Variants in NRXN3 observed in about 807,000 individuals in gnomAD.
NRXN3 encodes the protein neurexin III.
Under a neutral mutation model 137.6 loss-of-function variants are expected in NRXN3, and 32 were observed. The observed-to-expected ratio is 0.23, with a 90% CI of 0.18 to 0.31. The LOEUF (loss-of-function observed/expected upper bound fraction) is 0.31, where lower values mean the gene tolerates loss of function less well. NRXN3 is among the 10% of genes least tolerant of loss of function. NRXN3 has a pLI of 1.00. For synonymous variants in NRXN3, 798 were observed against 784.5 expected (o/e 1.02, Z -0.29); for missense variants, 1,574 against 2,062.5 (o/e 0.76, Z 4.59).
At chr14:78,797,569 A>G (rs909886095) in intron 8 of NRXN3, among the ~76,000 whole-genome samples, 10 of 152,228 alleles carry the variant, frequency 6.6e-5, no homozygotes, top group Admixed American at 5.9e-4. Context: ...CTATTCATCT[A>G]TCTTCCAATA....
intron 4 of NRXN3, among the ~76,000 whole-genome samples, chr14:78,401,974 G>C (rs532159173): frequency 6.6e-6 from 1 of 152,292 alleles, no homozygotes; most frequent in South Asian, 2.1e-4. Flanking sequence ...GCTTTAAAAA[G>C]GGAATTATTG....
chr14:79,770,864 T>G (rs1287418643), intron 19 of NRXN3, among the ~76,000 whole-genome samples: 1 of 151,694 alleles, frequency 6.6e-6, no homozygotes, highest in Non-Finnish European at 1.5e-5. Flanking sequence ...TCAACAAAAT[T>G]GATAGACCAC....
At chr14:78,541,427 G>A (rs1013124792) in intron 4 of NRXN3, among the ~76,000 whole-genome samples, 3 of 152,078 alleles carry the variant, frequency 2.0e-5, no homozygotes, top group South Asian at 2.1e-4. Flanking sequence ...ACTTGTGTAT[G>A]CATCATGAAG....
chr14:78,941,793 G>A (rs183265458), intron 10 of NRXN3, among the ~76,000 whole-genome samples: 15 of 152,300 alleles, frequency 9.8e-5, no homozygotes, highest in Admixed American at 3.3e-4. Flanking sequence ...GACTTTATGC[G>A]TCATTATCCC....
intron 15 of NRXN3, among the ~76,000 whole-genome samples, chr14:78,997,270 G>C (rs79878133): frequency 0.012 from 1,873 of 152,148 alleles, 35 homozygotes; most frequent in African/African-American, 0.043. Flanking sequence ...ATCATAAGCT[G>C]TTGGAGTTTG....
At chr14:78,860,652 TAAAGA>T (rs1323333901) in intron 10 of NRXN3, among the ~76,000 whole-genome samples, 2 of 152,048 alleles carry the variant, frequency 1.3e-5, no homozygotes, top group Admixed American at 6.6e-5. Context: ...TAAAGTGAGC[TAAAGA>T]AAAGAAAATG....
intron 8 of NRXN3, among the ~76,000 whole-genome samples, chr14:78,755,864 T>C (rs1014785151): frequency 3.3e-5 from 5 of 152,246 alleles, no homozygotes; most frequent in African/African-American, 1.2e-4. Context: ...CTATCTGCTG[T>C]GTGTATGTAG....
chr14:78,991,544 A>G (rs757818515), intron 15 of NRXN3, among the ~76,000 whole-genome samples: 3 of 152,224 alleles, frequency 2.0e-5, no homozygotes, highest in Non-Finnish European at 2.9e-5. Flanking sequence ...TTGATCCTCA[A>G]TTAATGAACA....
intron 2 of NRXN3, among the ~76,000 whole-genome samples, chr14:78,244,443 AAAAAAG>A (rs1258765476): frequency 2.0e-5 from 3 of 152,016 alleles, no homozygotes; most frequent in Admixed American, 2.0e-4. Context: ...AGAAAAAAAA[AAAAAAG>A]AAAAGAAATT....
chr14:79,747,787 T>C (rs1333900853), intron 19 of NRXN3, among the ~76,000 whole-genome samples: 1 of 152,090 alleles, frequency 6.6e-6, no homozygotes, highest in Non-Finnish European at 1.5e-5. Context: ...GTATACTTAA[T>C]AGTAAATGGT....
intron 4 of NRXN3, among the ~76,000 whole-genome samples, chr14:78,491,279 C>T (rs961147261): frequency 2.7e-5 from 4 of 148,504 alleles, no homozygotes; most frequent in African/African-American, 9.8e-5. Flanking sequence ...AGCTCATTGA[C>T]CACTCAGAGG....
At chr14:78,408,692 C>T (rs1299981839) in intron 4 of NRXN3, among the ~76,000 whole-genome samples, 2 of 152,188 alleles carry the variant, frequency 1.3e-5, no homozygotes, top group Non-Finnish European at 2.9e-5. Context: ...CAGGGAGCTG[C>T]AAGACAACTA....
At chr14:78,716,467 A>T (rs2152853004) in intron 8 of NRXN3, among the ~76,000 whole-genome samples, 1 of 152,358 alleles carries the variant, frequency 6.6e-6, no homozygotes, top group South Asian at 2.1e-4. Context: ...GAGTTGAGAC[A>T]TCTATATAAT....
intron 10 of NRXN3, among the ~76,000 whole-genome samples, chr14:78,819,056 T>G (rs2098942990): frequency 6.6e-6 from 1 of 152,174 alleles, no homozygotes; most frequent in Non-Finnish European, 1.5e-5. Context: ...TCCTTTTTTG[T>G]TTTGATTTGC....
intron 5 of NRXN3, among the ~76,000 whole-genome samples, chr14:78,647,946 T>C (rs959969370): frequency 1.3e-5 from 2 of 152,192 alleles, no homozygotes; most frequent in African/African-American, 2.4e-5. Context: ...ATATTTTTGG[T>C]AAGATTGAAT....
At chr14:78,644,290 T>C (rs1053472667) in intron 4 of NRXN3, among the ~76,000 whole-genome samples, 1 of 151,682 alleles carries the variant, frequency 6.6e-6, no homozygotes, top group African/African-American at 2.4e-5. Flanking sequence ...CTTGAAAGAG[T>C]ATATGGGCTC....
intron 10 of NRXN3, among the ~76,000 whole-genome samples, chr14:78,849,994 A>C (rs995824215): frequency 1.3e-5 from 2 of 152,188 alleles, no homozygotes; most frequent in African/African-American, 4.8e-5. Flanking sequence ...CCACATATGG[A>C]GAAGGGATAT....
intron 16 of NRXN3, among the ~76,000 whole-genome samples, chr14:79,530,513 C>G (rs903652626): frequency 4.6e-5 from 7 of 151,686 alleles, no homozygotes; most frequent in Admixed American, 1.3e-4. Flanking sequence ...TGTACCATCT[C>G]TATATGGGCA....
intron 19 of NRXN3, among the ~76,000 whole-genome samples, chr14:79,712,796 G>A (rs1453999838): frequency 6.6e-6 from 1 of 152,086 alleles, no homozygotes; most frequent in Non-Finnish European, 1.5e-5. Flanking sequence ...CTGGGCGCTC[G>A]CTGAGCCTGC....
Sources: allele counts gnomAD v4.1 joint callset (sites outside exome capture counted in the v4.1 genomes callset), GRCh38; gene constraint gnomAD v4.1.1; transcripts MANE v1.5; gene names NCBI Gene and HGNC (gene_info 2026-07-23, HGNC 2026-07-21).